The following DNAAF5 variants were observed in gnomAD, a reference collection of about 807,000 sequenced individuals.
The protein encoded by DNAAF5 is HEAT repeat containing 2.
Under a neutral mutation model 75.8 loss-of-function variants are expected in DNAAF5, and 64 were observed. The ratio of observed to expected loss-of-function variants is 0.84; its 90% CI spans 0.69 to 1.04. The LOEUF is 1.04. DNAAF5 is among the 50% of genes least tolerant of loss of function. The pLI, the probability that DNAAF5 is intolerant of heterozygous loss-of-function variation, is 0.00. For synonymous variants in DNAAF5, 657 were observed against 557.2 expected, an observed-to-expected ratio of 1.18 and a Z score of -2.52; for missense variants, 1,269 against 1,178.5, an observed-to-expected ratio of 1.08 and a Z score of -1.12.
chr7:784,472 T>G (rs931269551), intron 12 of DNAAF5, among the ~76,000 whole-genome samples: 1 of 152,128 alleles, frequency 6.6e-6, no homozygotes, highest in East Asian at 1.9e-4. Context: ...CCCAGCAGAA[T>G]CTGATAGACT....
intron 4 of DNAAF5, among the ~76,000 whole-genome samples, chr7:745,346 T>G (rs373171021): frequency 6.6e-6 from 1 of 150,722 alleles, no homozygotes; most frequent in Admixed American, 6.6e-5. Context: ...AGGCGGGGGG[T>G]CGGGGGGACT....
At position 763,897 on chromosome 7, in the gene DNAAF5, G is replaced by A. The variant is rs145493813; in HGVS notation, c.1706G>A (p.Arg569Gln). The change falls in exon 8 of 13, where the codon CGG becomes CAG. Residue 569 changes from arginine to glutamine, a missense_variant. Physicochemically the swap from Arg to Gln is conservative, Grantham distance 43. Coordinates refer to ENST00000297440, the MANE Select transcript of DNAAF5 (RefSeq NM_017802.4). ...YRKHIGPLLE[R>Q]VTASHLDWTA... ...AAGCACATTGGTCCCCTCCTGGAGC[G>A]GGTGACCGCGTCGCACCTTGACTGG... The A allele has an allele frequency of 1.5e-4, 244 of 1,612,676 alleles. 2 individuals are homozygous for A. In the South Asian group the frequency reaches 1.7e-3, roughly 11 times the overall value.
At chr7:765,408 CCT>C (rs767757603) in intron 8 of DNAAF5, among the ~76,000 whole-genome samples, 4 of 152,320 alleles carry the variant, frequency 2.6e-5, no homozygotes, top group African/African-American at 7.2e-5. Context: ...CTCCTAACAA[CCT>C]CTTGCACCAA....
chr7:749,394 GGAGGA>G (rs1285962268), intron 4 of DNAAF5, among the ~76,000 whole-genome samples: 35 of 152,326 alleles, frequency 2.3e-4, no homozygotes, highest in Non-Finnish European at 3.5e-4. Context: ...TTTTCACACA[GGAGGA>G]CAGAGTTGGC....
chr7:757,552 C>A (rs567182457), intron 6 of DNAAF5, among the ~76,000 whole-genome samples: 2 of 152,398 alleles, frequency 1.3e-5, no homozygotes, highest in East Asian at 1.9e-4. Flanking sequence ...CACAGCCCAG[C>A]TGAGGATTTG....
chr7:764,025 A>G (rs761007454), intron 8 of DNAAF5, 51 bp downstream of exon 8: 3 of 1,583,046 alleles, frequency 1.9e-6, no homozygotes, highest in African/African-American at 1.3e-5. Context: ...CTCAGGCTAC[A>G]CACCTGCTCC....
chr7:763,289 C>T (rs996590961), intron 7 of DNAAF5, among the ~76,000 whole-genome samples: 1 of 152,180 alleles, frequency 6.6e-6, no homozygotes, highest in Non-Finnish European at 1.5e-5. Context: ...AGGCTTGGGG[C>T]AATGGCCACC....
In DNAAF5 at chr7:729,694, C is replaced by T. The variant is rs370516537; in HGVS notation, c.627C>T (p.Ile209=). 1.7e-5 allele frequency: 27 copies of T among 1,613,928 alleles called. No homozygotes were observed. The highest frequency in any genetic ancestry group is 6.7e-5 in the East Asian group (3 of 44,902). ...TCCACATGCAGTCGGAGTCTCTGAT[C>T]GGGCCCCTGATGCAGACCATCTCCC... ...DHFHMQSESL[I]GPLMQTISHQ... The change falls in exon 2 of 13, where the codon ATC becomes ATT. Residue 209 remains isoleucine, a synonymous_variant. Coordinates refer to ENST00000297440, the MANE Select transcript of DNAAF5 (RefSeq NM_017802.4).
chr7:740,668 A>G, intron 2 of DNAAF5, 151 bp from the exon 3 acceptor site: 2 of 1,115,848 alleles, frequency 1.8e-6, no homozygotes, highest in Non-Finnish European at 1.3e-6. Context: ...TGTCTTGGGG[A>G]TGGCATCTAG....
chr7:760,177 G>A (rs1020368046), intron 6 of DNAAF5, among the ~76,000 whole-genome samples: 1 of 152,150 alleles, frequency 6.6e-6, no homozygotes, highest in Non-Finnish European at 1.5e-5. Context: ...GGGCGGGGCC[G>A]GGGTGCAAGG....
At chr7:736,010 T>A (rs1247544795) in intron 2 of DNAAF5, among the ~76,000 whole-genome samples, 1 of 152,240 alleles carries the variant, frequency 6.6e-6, no homozygotes, top group African/African-American at 2.4e-5. Flanking sequence ...AATTTCTTCA[T>A]TGACCCACCG....
chr7:733,636 A>T (rs1363924450), intron 2 of DNAAF5, among the ~76,000 whole-genome samples: 1 of 152,020 alleles, frequency 6.6e-6, no homozygotes, highest in Non-Finnish European at 1.5e-5. Flanking sequence ...AGCTGGGACT[A>T]CAGGTGCCTG....
chr7:766,200 T>C (rs35410966), intron 8 of DNAAF5, among the ~76,000 whole-genome samples: 97,214 of 152,092 alleles, frequency 0.64, 31,349 homozygotes, highest in African/African-American at 0.69. Context: ...GTGGTGCTCT[T>C]GGGAGTCGGG....
intron 9 of DNAAF5, chr7:771,797 A>C (rs1307194160): frequency 6.6e-6 from 1 of 152,264 alleles, no homozygotes; most frequent in Non-Finnish European, 1.5e-5. Context: ...CTGCCCAGGA[A>C]CAGTTAACTC....
At chr7:753,943 C>G (rs928963501) in intron 4 of DNAAF5, among the ~76,000 whole-genome samples, 1 of 138,906 alleles carries the variant, frequency 7.2e-6, no homozygotes, top group African/African-American at 2.8e-5. Flanking sequence ...CATATGGGGA[C>G]GGCTTCGCAG....
intron 4 of DNAAF5, among the ~76,000 whole-genome samples, chr7:753,651 G>A (rs1006004692): frequency 2.0e-5 from 3 of 151,376 alleles, no homozygotes; most frequent in African/African-American, 7.3e-5. Flanking sequence ...GTCATCATAT[G>A]GCGATGGCTT....
chr7:764,535 C>T (rs531393424), intron 8 of DNAAF5, among the ~76,000 whole-genome samples: 4 of 152,338 alleles, frequency 2.6e-5, no homozygotes, highest in African/African-American at 7.2e-5. Context: ...GCCGTGAACT[C>T]GCCGCGGTAG....
intron 5 of DNAAF5, among the ~76,000 whole-genome samples, chr7:756,450 G>T (rs1162781998): frequency 6.6e-6 from 1 of 152,226 alleles, no homozygotes; most frequent in African/African-American, 2.4e-5. Context: ...GGGCTGGTGT[G>T]TATTGATCAG....
Position 770,506 on chromosome 7 carries a change from C to G in DNAAF5, c.1819C>G (p.Pro607Ala), listed in dbSNP as rs1438889692. ...ALGEALPHVVPTLRACLQPSQ... is the reference protein window; with the variant it reads ...ALGEALPHVVATLRACLQPSQ... ...GGGAGAAGCCCTGCCACACGTCGTGCCCACGCTGAGGGCCTGTCTGCAGCC... is the reference window on the plus strand; with the variant it reads ...GGGAGAAGCCCTGCCACACGTCGTGGCCACGCTGAGGGCCTGTCTGCAGCC... The change falls in exon 9 of 13, where the codon CCC becomes GCC. Residue 607 changes from proline (P) to alanine (A), a missense_variant. Transcript: ENST00000297440. 20 of 1,613,768 alleles carry G rather than the reference C, an allele frequency of 1.2e-5. No individual in the cohort carries two copies. In the East Asian group the frequency reaches 4.5e-4, roughly 36 times the overall value.
Sources: gnomAD v4.1 joint callset for allele counts (sites outside exome capture counted in the v4.1 genomes callset) on GRCh38, gnomAD v4.1.1 for gene constraint, MANE v1.5 for transcripts, NCBI Gene and HGNC (gene_info 2026-07-23, HGNC 2026-07-21) for gene names.